Variants in ARHGEF28 observed in about 807,000 individuals in gnomAD.
ARHGEF28 encodes 190 kDa guanine nucleotide exchange factor.
In ARHGEF28, 152 loss-of-function variants were observed where a neutral mutation model predicts 206.6. The ratio of observed to expected loss-of-function variants is 0.74; its 90% CI spans 0.64 to 0.84. The LOEUF (loss-of-function observed/expected upper bound fraction) is 0.84. Ranked by LOEUF, ARHGEF28 falls within the 40% of genes least tolerant of loss-of-function variation. ARHGEF28 has a pLI of 0.00. For synonymous variants in ARHGEF28, 763 were observed against 776.4 expected (o/e 0.98, Z 0.29); for missense variants, 2,028 against 2,073.2 (o/e 0.98, Z 0.42).
At chr5:73,769,648 T>C (rs1374327736) in intron 4 of ARHGEF28, among the ~76,000 whole-genome samples, 1 of 152,200 alleles carries the variant, frequency 6.6e-6, no homozygotes, top group Non-Finnish European at 1.5e-5. Flanking sequence ...GGTTTCTTGC[T>C]AGGGTTTATA....
At chr5:73,666,268 T>G (rs1745949937) in intron 1 of ARHGEF28, among the ~76,000 whole-genome samples, 1 of 152,208 alleles carries the variant, frequency 6.6e-6, no homozygotes, top group Non-Finnish European at 1.5e-5. Context: ...GGGTGGGGGT[T>G]GGACCTCCAA....
At chr5:73,774,781 G>A (rs1433443598) in intron 5 of ARHGEF28, among the ~76,000 whole-genome samples, 5 of 152,084 alleles carry the variant, frequency 3.3e-5, no homozygotes, top group African/African-American at 1.2e-4. Flanking sequence ...TTGACTTAAC[G>A]TGGTAAAAAA....
intron 20 of ARHGEF28, among the ~76,000 whole-genome samples, chr5:73,869,558 T>G (rs1372434793): frequency 6.6e-6 from 1 of 152,202 alleles, no homozygotes; most frequent in East Asian, 1.9e-4. Context: ...TATTTGATTC[T>G]TTGCTGTCAT....
rs1254346157 is a variant in ARHGEF28 at position 73,940,876 on chromosome 5, C to T, written c.4981C>T (p.Pro1661Ser). Residue 1661 changes from proline to serine, a missense_variant, in exon 36 of 36, where the codon CCC (proline) becomes TCC (serine). Physicochemically the swap from Pro to Ser is moderately conservative, Grantham distance 74. Coordinates refer to ENST00000513042, the MANE Select transcript of ARHGEF28 (RefSeq NM_001177693.2). ...CACCTCCCACACTGAGTCCCCAACC[C>T]CCCATGACTCAAATTCACACCGCCC... ...LDTSHTESPT[P>S]HDSNSHRPQL... 1 of 1,529,922 alleles carries T rather than the reference C, an allele frequency of 6.5e-7. No homozygotes were observed. The highest frequency in any genetic ancestry group is 1.4e-5 in the African/African-American group (1 of 72,770). 94.8% of individuals were successfully genotyped at this position (1,529,922 alleles called of 1,614,324 possible). A position where few individuals can be genotyped will look rare whatever the true frequency, so the allele number is the denominator to read the frequency against.
chr5:73,915,208 T>C (rs996289130), intron 35 of ARHGEF28, among the ~76,000 whole-genome samples: 1 of 152,196 alleles, frequency 6.6e-6, no homozygotes, highest in African/African-American at 2.4e-5. Context: ...TTTCTAAATG[T>C]TTTGGATTAC....
chr5:73,879,134 T>C (rs1760737923), intron 22 of ARHGEF28, among the ~76,000 whole-genome samples: 1 of 152,206 alleles, frequency 6.6e-6, no homozygotes, highest in Non-Finnish European at 1.5e-5. Context: ...CTTTTTATTC[T>C]TTTTTCTCTA....
intron 9 of ARHGEF28, among the ~76,000 whole-genome samples, chr5:73,817,545 CA>C (rs1367863661): frequency 6.6e-6 from 1 of 152,094 alleles, no homozygotes; most frequent in Non-Finnish European, 1.5e-5. Flanking sequence ...CCAGGAAACA[CA>C]GGGAACAGTA....
chr5:73,897,059 C>CT (rs1363435358), intron 29 of ARHGEF28, among the ~76,000 whole-genome samples: 1 of 152,220 alleles, frequency 6.6e-6, no homozygotes, highest in East Asian at 1.9e-4. Flanking sequence ...AATCGTCTTC[C>CT]TGGGACTTCA....
chr5:73,772,388 C>CT (rs938988913), intron 4 of ARHGEF28, among the ~76,000 whole-genome samples: 7 of 151,738 alleles, frequency 4.6e-5, no homozygotes, highest in Non-Finnish European at 8.8e-5. Flanking sequence ...TAATGAGGGT[C>CT]TTTTTTTTGA....
chr5:73,895,679 G>T (rs927362833), intron 29 of ARHGEF28, among the ~76,000 whole-genome samples: 1 of 152,136 alleles, frequency 6.6e-6, no homozygotes, highest in African/African-American at 2.4e-5. Flanking sequence ...ACCTGCTTTC[G>T]TAAGTTTAGT....
chr5:73,793,520 T>G (rs1371569115), intron 7 of ARHGEF28, among the ~76,000 whole-genome samples: 2 of 152,136 alleles, frequency 1.3e-5, no homozygotes, highest in African/African-American at 4.8e-5. Context: ...TTCAGGCGTT[T>G]CCCCAGGATT....
chr5:73,752,917 C>T lies in ARHGEF28; in HGVS notation c.190C>T (p.Leu64Phe). 1 of 1,613,826 alleles carries T rather than the reference C, an allele frequency of 6.2e-7. No homozygotes were observed. The highest frequency in any genetic ancestry group is 8.5e-7 in the Non-Finnish European group (1 of 1,179,826). ...ACTGTCTTGTTGTCCAGGCCATGGG[C>T]TTCAGGAGACGGTGACGGTATCTGT... The part of the protein sequence containing the change: ...VLQSSVPGHG[L>F]QETVTVSVCL... Residue 64 changes from leucine to phenylalanine, a missense_variant, in exon 4 of 36, where the codon CTT becomes TTT. Transcript: ENST00000513042.
intron 21 of ARHGEF28, among the ~76,000 whole-genome samples, chr5:73,870,668 A>G (rs983987232): frequency 1.3e-5 from 2 of 152,228 alleles, no homozygotes; most frequent in Non-Finnish European, 2.9e-5. Context: ...GACCAGGTGC[A>G]GTGTGAGTAG....
chr5:73,629,553 T>A (rs943979938), intron 1 of ARHGEF28, among the ~76,000 whole-genome samples: 9 of 151,534 alleles, frequency 5.9e-5, no homozygotes, highest in African/African-American at 2.2e-4. Flanking sequence ...AAATAAGTCA[T>A]GTAACTTATT....
intron 1 of ARHGEF28, among the ~76,000 whole-genome samples, chr5:73,653,428 C>A (rs1188030310): frequency 6.6e-6 from 1 of 152,140 alleles, no homozygotes; most frequent in Non-Finnish European, 1.5e-5. Context: ...GAAGTTTGAT[C>A]TCTGGTAGGA....
At chr5:73,856,950 G>A (rs1352960352) in intron 14 of ARHGEF28, among the ~76,000 whole-genome samples, 1 of 152,122 alleles carries the variant, frequency 6.6e-6, no homozygotes, top group African/African-American at 2.4e-5. Flanking sequence ...TTCATAGTCT[G>A]CATATGTTTT....
chr5:73,908,151 T>G (rs1762651576), intron 33 of ARHGEF28, among the ~76,000 whole-genome samples: 1 of 152,322 alleles, frequency 6.6e-6, no homozygotes, highest in East Asian at 1.9e-4. Flanking sequence ...CACTAAATAT[T>G]CATGTGTCTG....
At position 73,749,901 on chromosome 5, in the gene ARHGEF28, A is replaced by G; in HGVS notation, c.98A>G (p.Tyr33Cys). 2 of 1,614,028 alleles carry G rather than the reference A, an allele frequency of 1.2e-6. No homozygotes were observed. The highest frequency in any genetic ancestry group is 8.5e-7 in the Non-Finnish European group (1 of 1,179,904). The change falls in exon 3 of 36, where the codon TAC becomes TGC. Residue 33 changes from tyrosine to cysteine, a missense_variant. Tyr to Cys is a radical substitution (Grantham distance 194). Around this residue, in one of 3 missense-constraint regions of ARHGEF28, gnomAD observed 1,002 missense variants for 1,015.3 expected, o/e 0.99. Transcript: ENST00000513042. ...TATCTTCCTGAAGATGCTGAGTTTT[A>G]CTTTACTTATGACGGATCTCATCAG... ...NVYLPEDAEFYFTYDGSHQRH... is the reference protein window; with the variant it reads ...NVYLPEDAEFCFTYDGSHQRH...
rs750275848 is a variant in ARHGEF28 at position 73,753,013 on chromosome 5, G to A, written c.286G>A (p.Ala96Thr). 1.6e-5 allele frequency: 26 copies of A among 1,613,172 alleles called. No individual in the cohort carries two copies. The East Asian group carries it at 5.4e-4, about 33-fold the overall frequency. Residue 96 changes from alanine to threonine, a missense_variant, in exon 4 of 36, where the codon GCT (alanine) becomes ACT (threonine). This residue lies in a region of ARHGEF28 where 1,002 missense variants were observed against 1,015.3 expected (regional missense o/e 0.99). Transcript: ENST00000513042. Reference protein sequence around the residue: ...SGSVTYVDNMACRLARLLVTQ... With the variant: ...SGSVTYVDNMTCRLARLLVTQ... ...CTCAGTGACCTACGTGGACAACATG[G>A]CTTGCAGGCTGGCTCGTCTGCTGGT... is the stretch of plus-strand genomic sequence containing the variant.
Sources: gnomAD v4.1 joint callset for allele counts (sites outside exome capture counted in the v4.1 genomes callset) on GRCh38, gnomAD v4.1.1 for gene constraint, gnomAD v4.1.1 regional missense constraint, MANE v1.5 for transcripts, NCBI Gene and HGNC (gene_info 2026-07-23, HGNC 2026-07-21) for gene names.